SYN3: variants seen among roughly 807,000 people sequenced by gnomAD.
SYN3 encodes synapsin III, also known as synapsin-3.
In SYN3, 35 loss-of-function variants were observed where a neutral mutation model predicts 65.8. The ratio of observed to expected loss-of-function variants is 0.53; its 90% CI spans 0.41 to 0.70. The LOEUF (loss-of-function observed/expected upper bound fraction) is 0.70. Ranked by LOEUF, SYN3 falls within the 30% of genes least tolerant of loss-of-function variation. SYN3 has a pLI of 0.00. For missense variants in SYN3, 680 were observed against 749.0 expected (o/e 0.91, Z 1.08); for synonymous variants, 270 against 292.9 (o/e 0.92, Z 0.80).
intron 6 of SYN3, among the ~76,000 whole-genome samples, chr22:32,616,308 G>C (rs60378048): frequency 0.16 from 24,962 of 152,134 alleles, 2,469 homozygotes; most frequent in Non-Finnish European, 0.22. Flanking sequence ...AAACTTCCAG[G>C]GTCTCTGACA....
At chr22:32,734,355 G>C (rs1358985721) in intron 6 of SYN3, among the ~76,000 whole-genome samples, 1 of 152,216 alleles carries the variant, frequency 6.6e-6, no homozygotes, top group Non-Finnish European at 1.5e-5. Flanking sequence ...AGGGGGGAGA[G>C]AGTATGGGCA....
intron 2 of SYN3, among the ~76,000 whole-genome samples, chr22:32,981,902 A>T (rs1248997601): frequency 6.6e-6 from 1 of 152,158 alleles, no homozygotes; most frequent in African/African-American, 2.4e-5. Flanking sequence ...CTTTGAAGGC[A>T]AAACCACACA....
At chr22:32,973,318 G>A (rs530499247) in intron 3 of SYN3, among the ~76,000 whole-genome samples, 1 of 152,344 alleles carries the variant, frequency 6.6e-6, no homozygotes. Flanking sequence ...GTACATGGAA[G>A]AGAACTAGAT....
intron 9 of SYN3, among the ~76,000 whole-genome samples, chr22:32,534,646 C>A (rs1252129142): frequency 6.6e-6 from 1 of 152,192 alleles, no homozygotes; most frequent in African/African-American, 2.4e-5. Flanking sequence ...CTTAGCTTCC[C>A]CTGTGGGCTG....
chr22:32,692,728 T>C (rs2147163276), intron 6 of SYN3, among the ~76,000 whole-genome samples: 1 of 151,428 alleles, frequency 6.6e-6, no homozygotes, highest in Non-Finnish European at 1.5e-5. Flanking sequence ...TCATAATTAG[T>C]TCCTCTCTCC....
chr22:33,025,649 AAG>A, intron 1 of SYN3, among the ~76,000 whole-genome samples: 1 of 134,546 alleles, frequency 7.4e-6, no homozygotes, highest in East Asian at 2.0e-4. Context: ...AAAAAAAAAA[AAG>A]ATTTCATCCT....
chr22:32,654,948 G>A (rs2060122180), intron 6 of SYN3, among the ~76,000 whole-genome samples: 1 of 152,222 alleles, frequency 6.6e-6, no homozygotes, highest in South Asian at 2.1e-4. Context: ...AGCAGGAAAG[G>A]AAGCCTCATG....
At chr22:32,584,506 C>T (rs1020956216) in intron 7 of SYN3, among the ~76,000 whole-genome samples, 1 of 152,116 alleles carries the variant, frequency 6.6e-6, no homozygotes, top group Non-Finnish European at 1.5e-5. Flanking sequence ...GCTCAACAGA[C>T]ATGACCAGGA....
At chr22:32,852,900 T>A (rs1042505105) in intron 6 of SYN3, among the ~76,000 whole-genome samples, 1 of 152,144 alleles carries the variant, frequency 6.6e-6, no homozygotes, top group Non-Finnish European at 1.5e-5. Flanking sequence ...GAGAAACCGA[T>A]CCACTGTGCC....
Position 32,780,068 on chromosome 22 carries a change from C to CAAAAAAA in SYN3, c.711+84840_711+84846dup, listed in dbSNP as rs130536. 3.7e-4 allele frequency among the ~76,000 whole-genome samples: 27 copies of CAAAAAAA among 72,592 alleles called. 2 individuals carry two copies. The highest frequency in any genetic ancestry group is 4.4e-4 in the East Asian group (1 of 2,270). 47.6% of individuals were successfully genotyped at this position (72,592 alleles called of 152,430 possible). On this transcript the variant is annotated intron_variant, in intron 6 of 13. Transcript: ENST00000358763. ...TGGGTGACAGAGTGAGATTCTGTCT[C>CAAAAAAA]AAAAAAAAAAAGAGAGAGAAAAAAA...
intron 3 of SYN3, among the ~76,000 whole-genome samples, chr22:32,964,880 T>C (rs1275876932): frequency 6.6e-6 from 1 of 151,986 alleles, no homozygotes; most frequent in Non-Finnish European, 1.5e-5. Flanking sequence ...CCCCTTAGGA[T>C]GTCTAAAGTC....
chr22:32,911,573 C>T (rs183522938), intron 4 of SYN3, among the ~76,000 whole-genome samples: 72 of 152,180 alleles, frequency 4.7e-4, no homozygotes, highest in African/African-American at 1.6e-3. Context: ...ATGGAGGCAG[C>T]GCAGGCAGGA....
chr22:33,043,784 G>T (rs1425625453), intron 1 of SYN3, among the ~76,000 whole-genome samples: 1 of 152,132 alleles, frequency 6.6e-6, no homozygotes, highest in Admixed American at 6.5e-5. Context: ...GTCAGGCGCA[G>T]TGGCTCACGC....
chr22:32,657,359 G>T (rs1168633831), intron 6 of SYN3, among the ~76,000 whole-genome samples: 2 of 151,638 alleles, frequency 1.3e-5, no homozygotes, highest in African/African-American at 4.9e-5. Context: ...TACTGACATT[G>T]TGATCCACCC....
At chr22:33,000,952 G>A (rs913749168) in intron 2 of SYN3, among the ~76,000 whole-genome samples, 1 of 152,152 alleles carries the variant, frequency 6.6e-6, no homozygotes, top group African/African-American at 2.4e-5. Context: ...AGACTCTAAG[G>A]CAGTCAGCAT....
At chr22:32,702,338 C>T (rs924511943) in intron 6 of SYN3, among the ~76,000 whole-genome samples, 3 of 152,016 alleles carry the variant, frequency 2.0e-5, no homozygotes, top group African/African-American at 4.8e-5. Flanking sequence ...ATTAGCCGGG[C>T]GTGGTGGCGG....
chr22:32,710,642 A>AAAAAAAAAG (rs2060949271), intron 6 of SYN3, among the ~76,000 whole-genome samples: 1 of 149,724 alleles, frequency 6.7e-6, no homozygotes, highest in African/African-American at 2.5e-5. Context: ...CAAAAAAAAA[A>AAAAAAAAAG]AAAAAAGAAA....
At chr22:32,687,080 C>T (rs1432210913) in intron 6 of SYN3, among the ~76,000 whole-genome samples, 6 of 152,144 alleles carry the variant, frequency 3.9e-5, no homozygotes, top group Non-Finnish European at 2.9e-5. Context: ...GCCAGCACTG[C>T]CCCAGGTGCC....
At chr22:33,026,714 C>T (rs1284004549) in intron 1 of SYN3, among the ~76,000 whole-genome samples, 1 of 152,156 alleles carries the variant, frequency 6.6e-6, no homozygotes, top group Non-Finnish European at 1.5e-5. Flanking sequence ...ACTCCTAGTT[C>T]CCAGAGCTAT....
Sources: allele counts gnomAD v4.1 joint callset (sites outside exome capture counted in the v4.1 genomes callset), GRCh38; gene constraint gnomAD v4.1.1; transcripts MANE v1.5; gene names NCBI Gene and HGNC (gene_info 2026-07-23, HGNC 2026-07-21).